PCDHA6: variants seen among roughly 807,000 people sequenced by gnomAD.
PCDHA6 encodes the protein protocadherin alpha 6, also known as protocadherin alpha-6.
In PCDHA6, 55 loss-of-function variants were observed where a neutral mutation model predicts 60.3. The observed-to-expected ratio is 0.91, with a 90% CI of 0.73 to 1.14. The LOEUF is 1.14. PCDHA6 is among the 50% of genes most tolerant of loss of function. PCDHA6 has a pLI of 0.00. For missense variants in PCDHA6, 1,327 were observed against 1,256.5 expected (o/e 1.06, Z -0.85); for synonymous variants, 652 against 557.9 (o/e 1.17, Z -2.38).
intron 1 of PCDHA6, among the ~76,000 whole-genome samples, chr5:140,903,212 A>G (rs1387552422): frequency 6.6e-6 from 1 of 152,192 alleles, no homozygotes; most frequent in African/African-American, 2.4e-5. Context: ...CACCACATTC[A>G]TGCCAACATC....
Position 140,956,487 on chromosome 5 carries a change from C to G in PCDHA6, c.2395-22462C>G, listed in dbSNP as rs2095287981. The stretch of plus-strand genomic sequence containing the variant: ...GCATATGTTGAACCAGTCTTGCATC[C>G]CAGGGATGAAGCCTACTTGATCATG... On this transcript the variant is annotated intron_variant, in intron 1 of 3. Transcript: ENST00000529310. Among the ~76,000 whole-genome samples, 2 of 152,032 alleles carry G rather than the reference C, an allele frequency of 1.3e-5. 1 individual carries two copies. Among genetic ancestry groups the G allele is most frequent in the Admixed American group, 1.3e-4 (2 of 15,252 alleles).
At chr5:140,973,586 C>T (rs1207651483) in intron 1 of PCDHA6, among the ~76,000 whole-genome samples, 2 of 152,176 alleles carry the variant, frequency 1.3e-5, no homozygotes, top group African/African-American at 4.8e-5. Context: ...GACTGCTGAG[C>T]CAGATGGAAT....
chr5:141,004,708 A>G (rs955852492), intron 3 of PCDHA6, among the ~76,000 whole-genome samples: 2 of 152,340 alleles, frequency 1.3e-5, no homozygotes, highest in South Asian at 4.1e-4. Flanking sequence ...TAGGTGCCGA[A>G]TCAGAGGTTT....
At chr5:140,858,209 T>A (rs1554151274) in intron 1 of PCDHA6, 1 of 1,593,850 alleles carries the variant, frequency 6.3e-7, no homozygotes, top group Admixed American at 1.7e-5. Context: ...TGCACTGAGG[T>A]GCTCGGCGGC....
intron 1 of PCDHA6, among the ~76,000 whole-genome samples, chr5:140,900,021 T>A (rs1423634160): frequency 1.3e-5 from 2 of 152,092 alleles, no homozygotes; most frequent in Non-Finnish European, 2.9e-5. Context: ...TGTTACCCAG[T>A]TTGGCCTTGA....
At chr5:140,880,796 T>C (rs538689350) in intron 1 of PCDHA6, among the ~76,000 whole-genome samples, 4 of 152,180 alleles carry the variant, frequency 2.6e-5, no homozygotes, top group Non-Finnish European at 5.9e-5. Context: ...GTAATATAAA[T>C]AGGTGAATGA....
chr5:140,926,985 G>A, intron 1 of PCDHA6: 1 of 1,611,068 alleles, frequency 6.2e-7, no homozygotes, highest in Non-Finnish European at 8.5e-7. Flanking sequence ...AGGAGACGGA[G>A]CGGGGCGTAG....
chr5:140,852,300 C>T (rs1056866634), intron 1 of PCDHA6: 15 of 446,010 alleles, frequency 3.4e-5, no homozygotes, highest in East Asian at 3.0e-4. Context: ...TTTTCTGAGA[C>T]GGAGTCGTTT....
intron 1 of PCDHA6, chr5:140,852,499 A>G: frequency 3.9e-6 from 1 of 258,480 alleles, no homozygotes; most frequent in Non-Finnish European, 6.5e-6. Context: ...GTTGGTCTCG[A>G]ACTCCTGACC....
chr5:140,843,962 A>G (rs1554140497), intron 1 of PCDHA6, among the ~76,000 whole-genome samples: 1 of 149,518 alleles, frequency 6.7e-6, no homozygotes, highest in Non-Finnish European at 1.5e-5. Context: ...TTTACTGAAT[A>G]TTTATTTTGG....
intron 3 of PCDHA6, among the ~76,000 whole-genome samples, chr5:141,008,360 G>C (rs569459357): frequency 6.6e-6 from 1 of 152,220 alleles, no homozygotes; most frequent in South Asian, 2.1e-4. Flanking sequence ...TCAACCAAAG[G>C]AGCAGTGTTA....
At position 140,830,499 on chromosome 5, in the gene PCDHA6, C is replaced by A. The variant is rs2150187273; in HGVS notation, c.2394+14C>A. On this transcript the variant is annotated intron_variant, in intron 1 of 3. Coordinates refer to ENST00000529310, the MANE Select transcript of PCDHA6 (RefSeq NM_018909.4). ...CATGATGCCAAAGTAAGTGAATTTT[C>A]ATAATTAACAGTTAATTTTTATTTT... The A allele has an allele frequency of 2.8e-6, 4 of 1,454,248 alleles. No individual in the cohort carries two copies. Among genetic ancestry groups the A allele is most frequent in the Non-Finnish European group, 3.7e-6 (4 of 1,087,612 alleles). The allele number at this position is 1,454,248 out of a possible 1,614,324, so 90.1% of individuals were successfully genotyped here.
At chr5:141,004,255 G>T (rs782648685) in intron 3 of PCDHA6, among the ~76,000 whole-genome samples, 2 of 152,190 alleles carry the variant, frequency 1.3e-5, no homozygotes, top group Non-Finnish European at 2.9e-5. Flanking sequence ...TTGTTTTACT[G>T]GAATGAGTCA....
chr5:140,998,524 T>A (rs553357630), intron 3 of PCDHA6, among the ~76,000 whole-genome samples: 1 of 152,328 alleles, frequency 6.6e-6, no homozygotes, highest in East Asian at 1.9e-4. Flanking sequence ...TTATTCATAT[T>A]TATATCCCTA....
rs2150332789 is a variant in PCDHA6, at chr5:140,842,251, T to C, written c.2394+11766T>C. 6 of 1,611,822 alleles carry C rather than the reference T, an allele frequency of 3.7e-6. 1 individual carries two copies. The highest frequency in any genetic ancestry group is 5.1e-6 in the Non-Finnish European group (6 of 1,178,190). Reference sequence around the variant, plus strand: ...TAGTGATTCGGGGTAATTTGGATTTTGAACAAGAAAACTTATACAAAATCC... The same window carrying C: ...TAGTGATTCGGGGTAATTTGGATTTCGAACAAGAAAACTTATACAAAATCC... On this transcript the variant is annotated intron_variant, in intron 1 of 3. Coordinates refer to ENST00000529310, the MANE Select transcript of PCDHA6 (RefSeq NM_018909.4).
chr5:140,839,307 C>T (rs1554137377), intron 1 of PCDHA6, among the ~76,000 whole-genome samples: 1 of 151,838 alleles, frequency 6.6e-6, no homozygotes, highest in Non-Finnish European at 1.5e-5. Flanking sequence ...TTTAAATATC[C>T]TATTTATATT....
intron 1 of PCDHA6, chr5:140,871,241 C>CGCT (rs1268066555): frequency 1.2e-6 from 2 of 1,613,972 alleles, no homozygotes; most frequent in African/African-American, 2.7e-5. Context: ...CTGGTACTCA[C>CGCT]GCTGCTGCTG....
chr5:140,930,654 C>T (rs1229167848), intron 1 of PCDHA6, among the ~76,000 whole-genome samples: 1 of 152,106 alleles, frequency 6.6e-6, no homozygotes, highest in Non-Finnish European at 1.5e-5. Context: ...ATGAAGCATT[C>T]CTTGTTTTAC....
At chr5:140,882,404 G>A in intron 1 of PCDHA6, 1 of 1,614,152 alleles carries the variant, frequency 6.2e-7, no homozygotes. Context: ...CACCTTCGTG[G>A]GCCGCATCGC....
Sources: allele counts gnomAD v4.1 joint callset (sites outside exome capture counted in the v4.1 genomes callset), GRCh38; gene constraint gnomAD v4.1.1; transcripts MANE v1.5; gene names NCBI Gene and HGNC (gene_info 2026-07-23, HGNC 2026-07-21).